Variants in HELZ2 observed in about 807,000 individuals in gnomAD.
HELZ2 encodes the protein 3'-5' exoribonuclease HELZ2.
A neutral mutation model predicts 208.8 loss-of-function variants in HELZ2; 143 were observed. The ratio of observed to expected loss-of-function variants is 0.68; its 90% CI spans 0.60 to 0.79. The LOEUF is 0.79. Ranked by LOEUF, HELZ2 falls within the 30% of genes least tolerant of loss-of-function variation. HELZ2 has a pLI of 0.00. For missense variants in HELZ2, 3,690 were observed against 3,794.5 expected (o/e 0.97, Z 0.72); for synonymous variants, 1,705 against 1,693.7 (o/e 1.01, Z -0.16).
exon 14 of HELZ2, chr20:63,561,085 C>T (rs924324680): frequency 6.2e-7 from 1 of 1,610,606 alleles, no homozygotes; most frequent in Non-Finnish European, 8.5e-7. Flanking sequence ...GACCAACCTT[C>T]TCGGCCTGTG....
rs769492823 is a variant in HELZ2, at chr20:63,568,430, G to A, written c.1658C>T (p.Thr553Met). The change falls in exon 5 of 19, where the codon ACG (threonine) becomes ATG (methionine). Residue 553 changes from threonine to methionine, a missense_variant. By Grantham distance (81) the Thr-to-Met change is moderately conservative. Around this residue, in one of 3 missense-constraint regions of HELZ2, gnomAD observed 1,119 missense variants for 1,193.4 expected, o/e 0.94. Coordinates refer to ENST00000467148, the Ensembl canonical transcript of HELZ2. ...GACCTCCAGGGAGGCCATGGCCAGC[G>A]TGTAGGTCTTGCCGGTGCCAAAGGG... 20 of 1,606,984 alleles carry A rather than the reference G, an allele frequency of 1.2e-5. No individual in the cohort carries two copies. The highest frequency in any genetic ancestry group is 3.4e-5 in the Admixed American group (2 of 58,810).
Position 63,560,355 on chromosome 20 carries a change from G to A in HELZ2, c.7501-28C>T, listed in dbSNP as rs144336841. The A allele has an allele frequency of 9.4e-4, 1,445 of 1,539,608 alleles. 1 individual carries two copies. Among genetic ancestry groups the A allele is most frequent in the South Asian group, 1.5e-3 (118 of 79,312 alleles). On this transcript the variant is annotated intron_variant, in intron 16 of 18. Coordinates refer to ENST00000467148, the Ensembl canonical transcript of HELZ2. ...GAGGAGCCGAGGGGGCAGGTGGAGC[G>A]GACCCTGGTGTCTCTCCTGCCCTCC...
At chr20:63,566,984 C>G (rs1165142947) in exon 6 of HELZ2, 2 of 1,611,502 alleles carry the variant, frequency 1.2e-6, no homozygotes, top group Non-Finnish European at 1.7e-6. Flanking sequence ...ATGGACATGT[C>G]CCGGTCTGGG....
rs543630666 is a variant in HELZ2, at chr20:63,564,836, C to T, written c.3986G>A (p.Arg1329Gln). Residue 1329 changes from arginine (R) to glutamine (Q), a missense_variant, in exon 8 of 19, where the codon CGG becomes CAG. Transcript: ENST00000467148. ...GCAGTCCTCTCGGCGGCCGGCAACCCGGCCAAGCTCCGTGTGGTATTTCTG... is the reference window on the plus strand; with the variant it reads ...GCAGTCCTCTCGGCGGCCGGCAACCTGGCCAAGCTCCGTGTGGTATTTCTG... 2.2e-5 allele frequency: 35 copies of T among 1,610,310 alleles called. No homozygotes were observed. The highest frequency in any genetic ancestry group is 3.3e-4 in the Middle Eastern group (2 of 6,060).
rs149272614 is a variant in HELZ2, at chr20:63,570,773, C to T, written c.374G>A (p.Arg125Gln). ...CCCGTCCTGCCAGGCCGCCTGCCCC[C>T]GCAGCTCCACAGCCTGCGTGCGCCG... The change falls in exon 2 of 19, where the codon CGG becomes CAG. Residue 125 changes from arginine to glutamine, a missense_variant. This residue lies in a region of HELZ2 where 1,119 missense variants were observed against 1,193.4 expected (regional missense o/e 0.94). Transcript: ENST00000467148. 8.7e-6 allele frequency: 14 copies of T among 1,610,684 alleles called. No individual in the cohort carries two copies. The African/African-American group carries it at 1.5e-4, about 17-fold the overall frequency.
chr20:63,568,752 A>G, exon 5 of HELZ2: 1 of 1,604,886 alleles, frequency 6.2e-7, no homozygotes, highest in Non-Finnish European at 8.5e-7. Context: ...AGCAGCAGCC[A>G]CAGCGCCTGC....
chr20:63,572,150 C>T lies in HELZ2; in HGVS notation c.236G>A (p.Arg79His), dbSNP rs753130677. 37 of 1,611,374 alleles carry T rather than the reference C, an allele frequency of 2.3e-5. No individual in the cohort carries two copies. The highest frequency in any genetic ancestry group is 1.1e-4 in the African/African-American group (8 of 74,916). Residue 79 changes from arginine to histidine, a missense_variant, in exon 1 of 19, where the codon CGT becomes CAT. Arg to His is a conservative substitution (Grantham distance 29). Transcript: ENST00000467148. ...CTTGGAGAGTCCCGGGGGTGGGGAA[C>T]GGTGCTCCCAGGGCAGGGCCTGGTC... is the stretch of plus-strand genomic sequence containing the variant.
Position 63,563,035 on chromosome 20 carries a change from C to G in HELZ2, c.5787G>C (p.Arg1929=), listed in dbSNP as rs200262218. The G allele has an allele frequency of 2.5e-4, 394 of 1,600,376 alleles. 2 individuals carry two copies. The African/African-American group carries it at 3.3e-3, about 13-fold the overall frequency. Residue 1929 remains arginine (R), a synonymous_variant, in exon 8 of 19, where the codon CGG becomes CGC. Transcript: ENST00000467148. Reference sequence around the variant, plus strand: ...CGTCGCGGTACCGGTCCCTCGGGGCCCGGTACACACGGCCTGAGAAGCAGT... The same window carrying G: ...CGTCGCGGTACCGGTCCCTCGGGGCGCGGTACACACGGCCTGAGAAGCAGT...
Position 63,562,366 on chromosome 20 carries a change from C to T in HELZ2, c.6319G>A (p.Val2107Met), listed in dbSNP as rs532349293. The change falls in exon 9 of 19, where the codon GTG (valine) becomes ATG (methionine). Residue 2107 changes from valine to methionine, a missense_variant. Val to Met is a conservative substitution (Grantham distance 21). Coordinates refer to ENST00000467148, the Ensembl canonical transcript of HELZ2. ...GGGGACGCCTCCTCTAGTCCACGCA[C>T]GGCTTCCTCCTTGCGGCTGGGGGTG... 2.6e-4 allele frequency: 406 copies of T among 1,590,052 alleles called. 1 individual carries two copies. The highest frequency in any genetic ancestry group is 3.9e-4 in the Admixed American group (22 of 56,960).
exon 8 of HELZ2, chr20:63,565,405 G>T (rs777817651): frequency 6.2e-7 from 1 of 1,610,794 alleles, no homozygotes; most frequent in Non-Finnish European, 8.5e-7. Flanking sequence ...ACGCCCGCTC[G>T]AAGGTCTCTG....
At position 63,570,679 on chromosome 20, in the gene HELZ2, A is replaced by G; in HGVS notation, c.462+6T>C. 2.0e-6 allele frequency: 1 copy of G among 509,880 alleles called. No homozygotes were observed. The highest frequency in any genetic ancestry group is 3.4e-6 in the Non-Finnish European group (1 of 293,034). 31.6% of individuals were successfully genotyped at this position (509,880 alleles called of 1,614,324 possible). On this transcript the variant is annotated splice_donor_region_variant and intron_variant, in intron 2 of 18. Transcript: ENST00000467148. ...CCCACCCCACCCACTCCCAGGGCCC[A>G]CTTACCACAAGGACCTCACTGCTGC...
downstream of HELZ2, chr20:63,558,591 T>G (rs1023406269): frequency 2.0e-5 from 3 of 152,002 alleles, no homozygotes; most frequent in Non-Finnish European, 2.9e-5. Flanking sequence ...CAGGCTGGAG[T>G]GCAGTGGTAC....
chr20:63,568,634 A>G, exon 5 of HELZ2: 1 of 1,603,436 alleles, frequency 6.2e-7, no homozygotes, highest in South Asian at 1.1e-5. Context: ...CAGTGTGTCC[A>G]CTGCCTGGTG....
At chr20:63,559,442 CAGGGTCA>C (rs2082854839) in intron 18 of HELZ2, 72 bp from the exon 20 acceptor site, 1 of 1,284,308 alleles carries the variant, frequency 7.8e-7, no homozygotes, top group African/African-American at 1.8e-5. Flanking sequence ...TGGGAGGAGT[CAGGGTCA>C]GGTGGGAGTC....
chr20:63,562,944 C>G, exon 8 of HELZ2: 1 of 1,590,414 alleles, frequency 6.3e-7, no homozygotes, highest in Non-Finnish European at 8.6e-7. Flanking sequence ...GAGTCATTCT[C>G]GGCAACCGCG....
chr20:63,566,510 C>A lies in HELZ2; in HGVS notation c.2515-57G>T, dbSNP rs1414687369. The A allele has an allele frequency of 2.1e-6, 3 of 1,412,596 alleles. No individual in the cohort carries two copies. The African/African-American group carries it at 4.5e-5, about 21-fold the overall frequency. 87.5% of individuals were successfully genotyped at this position (1,412,596 alleles called of 1,614,324 possible). A position where few individuals can be genotyped will look rare whatever the true frequency, so the allele number is the denominator to read the frequency against. On this transcript the variant is annotated intron_variant, in intron 6 of 18. Transcript: ENST00000467148. ...TGGACGCAGTGAGGACTCGGCCACC[C>A]CCGACAAGGAGAGGGCACCCCCACC...
At chr20:63,565,722 C>T in exon 8 of HELZ2, 2 of 1,605,876 alleles carry the variant, frequency 1.2e-6, no homozygotes, top group Non-Finnish European at 8.5e-7. Context: ...CCGGGCACCA[C>T]GTCTTCCTTC....
exon 2 of HELZ2, chr20:63,570,717 C>G (rs146004963): frequency 6.6e-7 from 1 of 1,519,348 alleles, no homozygotes; most frequent in Admixed American, 1.8e-5. Context: ...CGCTGGTACT[C>G]GGCCAGCAGC....
At chr20:63,564,889 C>T (rs755526370) in exon 8 of HELZ2, 36 of 1,612,184 alleles carry the variant, frequency 2.2e-5, no homozygotes, top group African/African-American at 5.3e-5. Flanking sequence ...TGGCCTGGTC[C>T]GACGGGGGCA....
Sources: gnomAD v4.1 joint callset for allele counts on GRCh38, gnomAD v4.1.1 for gene constraint, gnomAD v4.1.1 regional missense constraint, MANE v1.5 for transcripts, NCBI Gene and HGNC (gene_info 2026-07-23, HGNC 2026-07-21) for gene names.